SOX6: variants seen among roughly 807,000 people sequenced by gnomAD.
SOX6 encodes the protein transcription factor SOX-6.
SOX6 carries 11 observed loss-of-function variants against 97.8 expected under a neutral mutation model. That is an observed-to-expected ratio of 0.11 (90% CI 0.07 to 0.19). SOX6 has a LOEUF of 0.19. SOX6 is among the 10% of genes least tolerant of loss of function. The probability of loss-of-function intolerance (pLI) is 1.00; values close to 1 mark genes in which losing one functional copy is unlikely to be tolerated. For synonymous variants in SOX6, 360 were observed against 371.4 expected, an observed-to-expected ratio of 0.97 and a Z score of 0.35; for missense variants, 810 against 1,039.5, an observed-to-expected ratio of 0.78 and a Z score of 3.04.
chr11:16,029,930 G>A (rs926642292), intron 12 of SOX6, among the ~76,000 whole-genome samples: 1 of 152,094 alleles, frequency 6.6e-6, no homozygotes, highest in African/African-American at 2.4e-5. Context: ...CCTAGGAAAG[G>A]AGTAAATCTG....
At chr11:16,662,718 G>T (rs1286199313) in intron 3 of SOX6, among the ~76,000 whole-genome samples, 1 of 151,922 alleles carries the variant, frequency 6.6e-6, no homozygotes, top group Admixed American at 6.6e-5. Context: ...TTTTCAGACA[G>T]GGTCTCACTC....
intron 6 of SOX6, among the ~76,000 whole-genome samples, chr11:16,143,094 C>A (rs961015733): frequency 1.3e-5 from 2 of 152,056 alleles, no homozygotes; most frequent in Admixed American, 6.6e-5. Context: ...TTAAGGGCAG[C>A]CAGAGAGAAA....
intron 3 of SOX6, among the ~76,000 whole-genome samples, chr11:16,264,111 T>C (rs1853992898): frequency 1.3e-5 from 2 of 151,830 alleles, no homozygotes; most frequent in Non-Finnish European, 2.9e-5. Flanking sequence ...AGTAGTATGG[T>C]TCTGAAATAC....
chr11:16,270,999 T>C (rs1217140000), intron 3 of SOX6, among the ~76,000 whole-genome samples: 1 of 151,348 alleles, frequency 6.6e-6, no homozygotes, highest in African/African-American at 2.4e-5. Context: ...ACACTTAAAA[T>C]GGCTAAAACT....
chr11:16,236,584 A>T (rs188117504), intron 3 of SOX6, among the ~76,000 whole-genome samples: 124 of 152,172 alleles, frequency 8.1e-4, no homozygotes, highest in Admixed American at 1.8e-3. Flanking sequence ...ACAAAAGCAT[A>T]ACTTTTTTAG....
At chr11:16,060,250 T>G (rs1036559038) in intron 9 of SOX6, among the ~76,000 whole-genome samples, 3 of 151,962 alleles carry the variant, frequency 2.0e-5, no homozygotes, top group Admixed American at 6.6e-5. Context: ...GTTAATTGCT[T>G]CTTTTAAAGC....
intron 6 of SOX6, among the ~76,000 whole-genome samples, chr11:16,140,945 C>A (rs1025656167): frequency 1.3e-5 from 2 of 151,932 alleles, no homozygotes; most frequent in African/African-American, 4.8e-5. Flanking sequence ...TTTGGGAGGC[C>A]AAGGCATGCA....
intron 3 of SOX6, among the ~76,000 whole-genome samples, chr11:16,309,028 G>A (rs1369105877): frequency 6.6e-6 from 1 of 152,168 alleles, no homozygotes; most frequent in Non-Finnish European, 1.5e-5. Flanking sequence ...AAGCTTTCAG[G>A]AATTCTAACA....
chr11:16,538,066 C>A (rs2133174814), intron 4 of SOX6, among the ~76,000 whole-genome samples: 1 of 152,186 alleles, frequency 6.6e-6, no homozygotes, highest in Non-Finnish European at 1.5e-5. Flanking sequence ...ATGTTAAGGG[C>A]AGCCAGAGAG....
chr11:16,385,445 G>T (rs1857955088), intron 1 of SOX6, among the ~76,000 whole-genome samples: 1 of 152,032 alleles, frequency 6.6e-6, no homozygotes, highest in African/African-American at 2.4e-5. Context: ...GTTTATTGAA[G>T]TGCATTTTAT....
At chr11:16,248,768 GC>G (rs2134195766) in intron 3 of SOX6, among the ~76,000 whole-genome samples, 1 of 152,288 alleles carries the variant, frequency 6.6e-6, no homozygotes, top group African/African-American at 2.4e-5. Context: ...TCTCTGACAT[GC>G]TCTGGAGACA....
At chr11:16,439,908 G>A (rs1458568316) in intron 1 of SOX6, among the ~76,000 whole-genome samples, 1 of 152,080 alleles carries the variant, frequency 6.6e-6, no homozygotes, top group Non-Finnish European at 1.5e-5. Context: ...AACACAGATT[G>A]GCATACAACT....
At chr11:16,354,273 A>C (rs1224677422) in intron 1 of SOX6, among the ~76,000 whole-genome samples, 1 of 152,014 alleles carries the variant, frequency 6.6e-6, no homozygotes, top group African/African-American at 2.4e-5. Flanking sequence ...AACAAATGCT[A>C]ACTTTCTTTA....
chr11:16,063,446 T>C (rs1373696079), intron 9 of SOX6, among the ~76,000 whole-genome samples: 5 of 140,888 alleles, frequency 3.5e-5, no homozygotes, highest in African/African-American at 1.3e-4. Context: ...GCCAAACTGA[T>C]GTCAAATTAT....
chr11:16,559,002 T>C (rs1847778836), intron 4 of SOX6, among the ~76,000 whole-genome samples: 1 of 152,056 alleles, frequency 6.6e-6, no homozygotes, highest in Admixed American at 6.6e-5. Flanking sequence ...CAACCCTTTT[T>C]AGAAAGTAAC....
chr11:16,484,349 T>G, intron 4 of SOX6: 1 of 834,372 alleles, frequency 1.2e-6, no homozygotes, highest in Non-Finnish European at 2.1e-6. Flanking sequence ...GTGAATAAGG[T>G]AAGGATCCAG....
At chr11:16,288,452 T>C (rs111257034) in intron 3 of SOX6, among the ~76,000 whole-genome samples, 1 of 152,028 alleles carries the variant, frequency 6.6e-6, no homozygotes, top group African/African-American at 2.4e-5. Context: ...TTAGATATAC[T>C]AAATATGAGA....
intron 9 of SOX6, among the ~76,000 whole-genome samples, chr11:16,072,979 C>A (rs909216437): frequency 6.6e-6 from 1 of 152,098 alleles, no homozygotes; most frequent in South Asian, 2.1e-4. Flanking sequence ...CCATTACCAC[C>A]CACCACAAAA....
intron 9 of SOX6, among the ~76,000 whole-genome samples, chr11:16,061,271 A>C (rs892121166): frequency 6.6e-6 from 1 of 150,722 alleles, no homozygotes; most frequent in African/African-American, 2.4e-5. Flanking sequence ...CTGAAAACCA[A>C]AGAAAGAAGG....
Sources: allele counts gnomAD v4.1 joint callset (sites outside exome capture counted in the v4.1 genomes callset), GRCh38; gene constraint gnomAD v4.1.1; transcripts MANE v1.5; gene names NCBI Gene and HGNC (gene_info 2026-07-23, HGNC 2026-07-21).